The following CDK14 variants were observed in gnomAD, a reference collection of about 807,000 sequenced individuals.
CDK14 encodes cyclin dependent kinase 14, also known as cyclin-dependent kinase 14.
A neutral mutation model predicts 60.7 loss-of-function variants in CDK14; 34 were observed. That is an observed-to-expected ratio of 0.56 (90% CI 0.43 to 0.75). The LOEUF (loss-of-function observed/expected upper bound fraction) is 0.75. Among genes scored for constraint, CDK14 ranks in the 30% least tolerant of loss-of-function variants. CDK14 has a pLI of 0.00. For missense variants in CDK14, 482 were observed against 564.1 expected (o/e 0.85, Z 1.47); for synonymous variants, 197 against 203.7 (o/e 0.97, Z 0.28).
At chr7:90,680,113 C>A (rs918683011) in intron 2 of CDK14, among the ~76,000 whole-genome samples, 1 of 151,662 alleles carries the variant, frequency 6.6e-6, no homozygotes, top group Non-Finnish European at 1.5e-5. Context: ...GTATGTATAT[C>A]CCTGTAAAAC....
At chr7:91,058,616 G>A (rs1337576155) in intron 11 of CDK14, among the ~76,000 whole-genome samples, 1 of 152,332 alleles carries the variant, frequency 6.6e-6, no homozygotes, top group African/African-American at 2.4e-5. Flanking sequence ...TAGCATGAAG[G>A]TTGTTGAATT....
At chr7:90,784,608 A>T (rs977047356) in intron 4 of CDK14, among the ~76,000 whole-genome samples, 3 of 152,190 alleles carry the variant, frequency 2.0e-5, no homozygotes, top group Non-Finnish European at 4.4e-5. Context: ...GTCTTCTTCC[A>T]CTTCTCTCTG....
chr7:90,635,074 T>G (rs1374576571), intron 2 of CDK14, among the ~76,000 whole-genome samples: 1 of 152,074 alleles, frequency 6.6e-6, no homozygotes, highest in Non-Finnish European at 1.5e-5. Flanking sequence ...TTTCTCCCAT[T>G]TTGTAGGTTG....
chr7:91,176,070 C>T (rs1801740014), intron 14 of CDK14, among the ~76,000 whole-genome samples: 1 of 151,728 alleles, frequency 6.6e-6, no homozygotes, highest in African/African-American at 2.4e-5. Flanking sequence ...TAAAGCTCTC[C>T]TCAGCAAATG....
At chr7:90,663,463 C>G (rs907383253) in intron 2 of CDK14, among the ~76,000 whole-genome samples, 1 of 152,134 alleles carries the variant, frequency 6.6e-6, no homozygotes, top group Non-Finnish European at 1.5e-5. Flanking sequence ...TCCAGTTCTT[C>G]CCCTCCTTCA....
intron 7 of CDK14, among the ~76,000 whole-genome samples, chr7:90,905,297 A>G (rs1792659819): frequency 2.6e-5 from 4 of 152,218 alleles, no homozygotes. Flanking sequence ...AAGTGGACTT[A>G]AAAGATGGGA....
chr7:90,598,514 A>G (rs1236020781), intron 1 of CDK14, among the ~76,000 whole-genome samples: 1 of 152,290 alleles, frequency 6.6e-6, no homozygotes, highest in African/African-American at 2.4e-5. Flanking sequence ...GATGGAAAAT[A>G]TGATTCTGAA....
At chr7:90,597,039 AG>A (rs1799207311) in intron 1 of CDK14, among the ~76,000 whole-genome samples, 1 of 152,170 alleles carries the variant, frequency 6.6e-6, no homozygotes. Context: ...CCACCGCGCA[AG>A]GGGCTGCGCG....
At chr7:90,931,147 A>G (rs1199719630) in intron 8 of CDK14, among the ~76,000 whole-genome samples, 3 of 152,236 alleles carry the variant, frequency 2.0e-5, no homozygotes, top group Admixed American at 1.3e-4. Flanking sequence ...CAATAATAAA[A>G]TTTAGACTAG....
At chr7:90,649,446 T>TC (rs1209610830) in intron 2 of CDK14, among the ~76,000 whole-genome samples, 1 of 143,762 alleles carries the variant, frequency 7.0e-6, no homozygotes, top group African/African-American at 2.6e-5. Context: ...TTTCCTTCCT[T>TC]CTTTCCTTCT....
At chr7:90,735,846 C>G (rs1803077469) in intron 3 of CDK14, among the ~76,000 whole-genome samples, 1 of 152,234 alleles carries the variant, frequency 6.6e-6, no homozygotes, top group African/African-American at 2.4e-5. Flanking sequence ...TTCTGTCTCC[C>G]TGGCATTCCA....
intron 5 of CDK14, among the ~76,000 whole-genome samples, chr7:90,829,748 G>A (rs1458367822): frequency 6.6e-6 from 1 of 152,122 alleles, no homozygotes; most frequent in Non-Finnish European, 1.5e-5. Context: ...GGTCAGGCTG[G>A]TCTCAAACTC....
In CDK14 at chr7:90,896,527, T is replaced by A. The variant is rs1050167101; in HGVS notation, c.640-2764T>A. On this transcript the variant is annotated intron_variant, in intron 6 of 14. Transcript: ENST00000380050. ...GAAAGAGCTAGAGAAGTTTTAATTC[T>A]GGCATTAAAAAAAAACCTTACCTGA... Among the ~76,000 whole-genome samples, 109 of 152,186 alleles carry A rather than the reference T, an allele frequency of 7.2e-4. 1 individual carries two copies. The highest frequency in any genetic ancestry group is 2.6e-3 in the African/African-American group (107 of 41,452).
intron 10 of CDK14, among the ~76,000 whole-genome samples, chr7:90,992,502 T>C (rs1394488837): frequency 1.3e-5 from 2 of 152,214 alleles, no homozygotes; most frequent in African/African-American, 4.8e-5. Context: ...GAACTGATAT[T>C]CCTGTAAGGA....
At chr7:90,621,639 T>TCCTGCCTTCCTGCCTTCCTG (rs1167240084) in intron 2 of CDK14, among the ~76,000 whole-genome samples, 1 of 111,360 alleles carries the variant, frequency 9.0e-6, no homozygotes, top group Non-Finnish European at 2.0e-5. Context: ...CTTCCTTCCT[T>TCCTGCCTTCCTGCCTTCCTG]CCTTCCTTCC....
intron 2 of CDK14, among the ~76,000 whole-genome samples, chr7:90,627,007 G>T (rs997165144): frequency 1.3e-5 from 2 of 151,380 alleles, no homozygotes; most frequent in African/African-American, 2.4e-5. Context: ...AAAAGTAAAA[G>T]AAACAGATAA....
chr7:90,688,081 A>G (rs1341105842), intron 2 of CDK14, among the ~76,000 whole-genome samples: 1 of 152,190 alleles, frequency 6.6e-6, no homozygotes, highest in Non-Finnish European at 1.5e-5. Context: ...AGAATGACAA[A>G]GTATAAAGTA....
At chr7:90,676,614 C>T (rs1801204502) in intron 2 of CDK14, among the ~76,000 whole-genome samples, 1 of 151,840 alleles carries the variant, frequency 6.6e-6, no homozygotes, top group East Asian at 1.9e-4. Flanking sequence ...CTCACTGCAG[C>T]CCCAACCTTT....
At chr7:90,844,239 G>T (rs942667546) in intron 5 of CDK14, among the ~76,000 whole-genome samples, 4 of 152,198 alleles carry the variant, frequency 2.6e-5, no homozygotes, top group Admixed American at 2.0e-4. Flanking sequence ...TTGGGAATTA[G>T]GAGAGGTAAA....
Sources: gnomAD v4.1 joint callset for allele counts (sites outside exome capture counted in the v4.1 genomes callset) on GRCh38, gnomAD v4.1.1 for gene constraint, MANE v1.5 for transcripts, NCBI Gene and HGNC (gene_info 2026-07-23, HGNC 2026-07-21) for gene names.